Variants in ARHGAP19 observed in about 807,000 individuals in gnomAD.
ARHGAP19 encodes the protein rho GTPase-activating protein 19.
ARHGAP19 carries 48 observed loss-of-function variants against 60.9 expected under a neutral mutation model. The ratio of observed to expected loss-of-function variants is 0.79; its 90% CI spans 0.62 to 1.00. The LOEUF is 1.00. ARHGAP19 is among the 50% of genes least tolerant of loss of function. The pLI is 0.00. For synonymous variants in ARHGAP19, 209 were observed against 215.5 expected (o/e 0.97, Z 0.27); for missense variants, 562 against 597.2 (o/e 0.94, Z 0.61).
chr10:97,240,312 G>A (rs1488172513), intron 8 of ARHGAP19, among the ~76,000 whole-genome samples: 1 of 152,164 alleles, frequency 6.6e-6, no homozygotes, highest in Admixed American at 6.5e-5. Flanking sequence ...ATGCCCAGTA[G>A]TAGGCAAATT....
At chr10:97,273,951 GA>G (rs1842992119) in intron 1 of ARHGAP19, among the ~76,000 whole-genome samples, 1 of 149,866 alleles carries the variant, frequency 6.7e-6, no homozygotes, top group African/African-American at 2.4e-5. Context: ...AAAAGCAAAA[GA>G]AGCCACACAT....
At chr10:97,273,487 T>C (rs1842986487) in intron 1 of ARHGAP19, among the ~76,000 whole-genome samples, 3 of 137,118 alleles carry the variant, frequency 2.2e-5, no homozygotes, top group Admixed American at 1.5e-4. Flanking sequence ...CTGCTCTCTT[T>C]TTTTTTTTTT....
rs116747972 is a variant in ARHGAP19 at position 97,227,439 on chromosome 10, G to C, written c.1475-1307C>G. Among the ~76,000 whole-genome samples the C allele has an allele frequency of 2.5e-3, 379 of 152,012 alleles. 2 individuals are homozygous for C. Among genetic ancestry groups the C allele is most frequent in the African/African-American group, 8.9e-3 (369 of 41,460 alleles). The stretch of plus-strand genomic sequence containing the variant: ...AGGCAGGAGAAGCAGGTGCAGAAAC[G>C]AACAGAACTTAAGAGCAGAACTTAA... On this transcript the variant is annotated intron_variant, in intron 11 of 11. Coordinates refer to ENST00000358531, the MANE Select transcript of ARHGAP19 (RefSeq NM_032900.6).
Position 97,229,132 on chromosome 10 carries a change from A to G in ARHGAP19, c.1474+15T>C. 6.2e-7 allele frequency: 1 copy of G among 1,603,678 alleles called. No homozygotes were observed. The highest frequency in any genetic ancestry group is 8.5e-7 in the Non-Finnish European group (1 of 1,170,400). On this transcript the variant is annotated intron_variant, in intron 11 of 11. Coordinates refer to ENST00000358531, the MANE Select transcript of ARHGAP19 (RefSeq NM_032900.6). ...ATTACATTTAGTAAGAACAGAGAGT[A>G]AGTACAATTAGTACCTTTTTTCCCC...
At chr10:97,260,081 T>C (rs1437608884) in intron 4 of ARHGAP19, among the ~76,000 whole-genome samples, 1 of 150,100 alleles carries the variant, frequency 6.7e-6, no homozygotes, top group Non-Finnish European at 1.5e-5. Flanking sequence ...GTGATCCGCC[T>C]GCCTCAGCCT....
At chr10:97,233,404 T>A (rs926783278) in intron 9 of ARHGAP19, among the ~76,000 whole-genome samples, 2 of 151,882 alleles carry the variant, frequency 1.3e-5, no homozygotes, top group African/African-American at 4.8e-5. Flanking sequence ...AGGGCAAAAA[T>A]TTTAAATTTT....
chr10:97,249,373 T>C (rs1054507838), intron 6 of ARHGAP19, among the ~76,000 whole-genome samples: 1 of 152,196 alleles, frequency 6.6e-6, no homozygotes, highest in Non-Finnish European at 1.5e-5. Context: ...TCAAACAATC[T>C]GTGTCTCCTC....
chr10:97,272,791 C>G (rs1284611760), intron 1 of ARHGAP19, among the ~76,000 whole-genome samples: 1 of 149,574 alleles, frequency 6.7e-6, no homozygotes, highest in Admixed American at 6.7e-5. Context: ...TTAGCTTTGT[C>G]AAGGTTCCAA....
chr10:97,249,317 T>C (rs903240548), intron 6 of ARHGAP19, among the ~76,000 whole-genome samples: 2 of 152,204 alleles, frequency 1.3e-5, no homozygotes, highest in East Asian at 3.8e-4. Flanking sequence ...CCTTTGTAAC[T>C]GAAAGATCTG....
chr10:97,235,336 C>T lies in ARHGAP19; in HGVS notation c.1186-21G>A, dbSNP rs375377017. 135 of 1,567,206 alleles carry T rather than the reference C, an allele frequency of 8.6e-5. 3 individuals carry two copies. In the South Asian group the frequency reaches 1.4e-3, roughly 17 times the overall value. ...TTAAACTAAAAGAAAACATGGAGAA[C>T]ATTTTATAAATACTTTCCCATCAAG... On this transcript the variant is annotated intron_variant, in intron 8 of 11. Coordinates refer to ENST00000358531, the MANE Select transcript of ARHGAP19 (RefSeq NM_032900.6).
chr10:97,272,415 G>A (rs892848497), intron 1 of ARHGAP19, among the ~76,000 whole-genome samples: 4 of 151,838 alleles, frequency 2.6e-5, no homozygotes, highest in African/African-American at 7.3e-5. Flanking sequence ...GCCACCACGC[G>A]TGGCCAATAT....
chr10:97,253,613 ATATT>A (rs1842718282), intron 6 of ARHGAP19, among the ~76,000 whole-genome samples: 1 of 152,194 alleles, frequency 6.6e-6, no homozygotes, highest in Admixed American at 6.6e-5. Flanking sequence ...AACGTATGGT[ATATT>A]TCAAAATAAC....
chr10:97,232,801 C>G (rs905305206), intron 9 of ARHGAP19, among the ~76,000 whole-genome samples: 1 of 151,978 alleles, frequency 6.6e-6, no homozygotes, highest in Non-Finnish European at 1.5e-5. Flanking sequence ...ATCTGTAATC[C>G]CAGCACTTCA....
intron 1 of ARHGAP19, among the ~76,000 whole-genome samples, chr10:97,284,969 T>G (rs1388731397): frequency 6.6e-6 from 1 of 151,446 alleles, no homozygotes; most frequent in African/African-American, 2.4e-5. Context: ...GTTCAAGCGA[T>G]TCTCCTACCT....
At chr10:97,265,266 C>A (rs1842883040) in intron 2 of ARHGAP19, 1 of 188,424 alleles carries the variant, frequency 5.3e-6, no homozygotes, top group Non-Finnish European at 1.1e-5. Context: ...CTTTGGGAGG[C>A]TGAGGTGGGA....
chr10:97,245,114 G>A (rs779042739), intron 7 of ARHGAP19, among the ~76,000 whole-genome samples: 14 of 151,750 alleles, frequency 9.2e-5, no homozygotes, highest in Non-Finnish European at 1.8e-4. Flanking sequence ...CAAGTGATCC[G>A]CCCACCTCAG....
intron 1 of ARHGAP19, among the ~76,000 whole-genome samples, chr10:97,281,227 A>T (rs1271406755): frequency 8.9e-6 from 1 of 112,280 alleles, no homozygotes; most frequent in African/African-American, 4.9e-5. Flanking sequence ...TACAAAAAAA[A>T]AAAAAAAAAA....
intron 1 of ARHGAP19, among the ~76,000 whole-genome samples, chr10:97,278,851 G>A (rs1015748228): frequency 2.0e-5 from 3 of 151,710 alleles, no homozygotes; most frequent in African/African-American, 7.3e-5. Context: ...GTATCTTTTG[G>A]CTGACTATAC....
intron 1 of ARHGAP19, among the ~76,000 whole-genome samples, chr10:97,271,125 C>T (rs575968427): frequency 5.3e-5 from 8 of 152,094 alleles, no homozygotes; most frequent in Non-Finnish European, 1.2e-4. Context: ...GCACAATCTC[C>T]AAAGAATCAT....
Sources: gnomAD v4.1 joint callset for allele counts (sites outside exome capture counted in the v4.1 genomes callset) on GRCh38, gnomAD v4.1.1 for gene constraint, MANE v1.5 for transcripts, NCBI Gene and HGNC (gene_info 2026-07-23, HGNC 2026-07-21) for gene names.